The following IGFN1 variants were observed in gnomAD, a reference collection of about 807,000 sequenced individuals.
The protein encoded by IGFN1 is immunoglobulin like and fibronectin type III domain containing 1.
In IGFN1, 253 loss-of-function variants were observed where a neutral mutation model predicts 289.5. The ratio of observed to expected loss-of-function variants is 0.87; its 90% CI spans 0.79 to 0.97. The LOEUF (loss-of-function observed/expected upper bound fraction) is 0.97. Ranked by LOEUF, IGFN1 falls within the 50% of genes least tolerant of loss-of-function variation. IGFN1 has a pLI of 0.00. For missense variants in IGFN1, 4,470 were observed against 4,686.1 expected, an observed-to-expected ratio of 0.95 and a Z score of 1.35; for synonymous variants, 1,706 against 1,788.5, an observed-to-expected ratio of 0.95 and a Z score of 1.16.
chr1:201,199,229 A>G (rs1667045976), intron 5 of IGFN1, 105 bp from the exon 6 acceptor site: 1 of 953,996 alleles, frequency 1.0e-6, no homozygotes, highest in African/African-American at 1.6e-5. Context: ...TGGGGAGAGC[A>G]GGGCTCTGGG....
chr1:201,222,597 T>C (rs764023806), intron 19 of IGFN1, 142 bp from the exon 20 acceptor site: 4 of 580,982 alleles, frequency 6.9e-6, no homozygotes, highest in Non-Finnish European at 9.5e-6. Flanking sequence ...ACTCCAGTCC[T>C]TTAGAGGCCC....
chr1:201,210,842 T>C lies in IGFN1; in HGVS notation c.5949T>C (p.Gly1983=). The C allele has an allele frequency of 6.5e-7, 1 of 1,531,690 alleles. No homozygotes were observed. The highest frequency in any genetic ancestry group is 8.7e-7 in the Non-Finnish European group (1 of 1,145,472). The allele number at this position is 1,531,690 out of a possible 1,614,324, so 94.9% of individuals were successfully genotyped here. A position where few individuals can be genotyped will look rare whatever the true frequency, so the allele number is the denominator to read the frequency against. ...GGAGTAAGGAAGGTTTCAGGGATGG[T>C]TTAGGGGGTTCTGAGGAAATGGGGT... ...GSGSKEGFRD[G]LGGSEEMGSM... The change falls in exon 12 of 24, where the codon GGT becomes GGC. Residue 1983 remains glycine, a synonymous_variant. Transcript: ENST00000335211.
chr1:201,209,380 G>A lies in IGFN1; in HGVS notation c.4487G>A (p.Arg1496Lys). The A allele has an allele frequency of 1.3e-6, 2 of 1,513,830 alleles. No homozygotes were observed. The highest frequency in any genetic ancestry group is 1.8e-6 in the Non-Finnish European group (2 of 1,136,886). The allele number at this position is 1,513,830 out of a possible 1,614,324, so 93.8% of individuals were successfully genotyped here. The part of the protein sequence containing the change: ...GEMGLIEAGY[R>K]KDLGVSEGGG... ...ATGGGGTTAATTGAGGCAGGCTATA[G>A]GAAAGATTTGGGGGTTTCTGAGGGA... Residue 1496 changes from arginine (R) to lysine (K), a missense_variant, in exon 12 of 24, where the codon AGG (arginine) becomes AAG (lysine). Transcript: ENST00000335211.
chr1:201,216,797 C>A, intron 16 of IGFN1, 44 bp downstream of exon 16: 2 of 1,503,356 alleles, frequency 1.3e-6, no homozygotes, highest in South Asian at 2.5e-5. Context: ...CACTCCTGGG[C>A]TCCCCACTGT....
In IGFN1 at chr1:201,215,709, G is replaced by T; in HGVS notation, c.9166G>T (p.Val3056Leu). Residue 3056 changes from valine to leucine, a missense_variant, in exon 15 of 24, where the codon GTG becomes TTG. Physicochemically the swap from Val to Leu is conservative, Grantham distance 32 (BLOSUM62 1). Transcript: ENST00000335211. ...GGGCAGCAGTGACAGGGAGGCCCAG[G>T]TGGACCTGGGGGATGGCTACACGCG... ...VVGSSDREAQ[V>L]DLGDGYTRLC... The T allele has an allele frequency of 6.2e-7, 1 of 1,613,460 alleles. No individual in the cohort carries two copies. Among genetic ancestry groups the T allele is most frequent in the Non-Finnish European group, 8.5e-7 (1 of 1,179,768 alleles).
Position 201,206,236 on chromosome 1 carries a change from C to A in IGFN1, c.1343C>A (p.Ala448Asp), listed in dbSNP as rs1279830758. ...QGPRGGSLEG[A>D]GPASGLQHIA... is the part of the protein sequence containing the mutation. ...CCCAGGGGGGGCTCCCTTGAAGGGG[C>A]TGGGCCGGCTTCTGGGCTCCAGCAC... The change falls in exon 12 of 24, where the codon GCT becomes GAT. Residue 448 changes from alanine (A) to aspartate (D), a missense_variant. By Grantham distance (126) the Ala-to-Asp change is moderately radical. Around this residue, in one of 8 missense-constraint regions of IGFN1, gnomAD observed 2,011 missense variants for 1,953.4 expected, o/e 1.03. Transcript: ENST00000335211. 2 of 1,547,342 alleles carry A rather than the reference C, an allele frequency of 1.3e-6. No homozygotes were observed. Among genetic ancestry groups the A allele is most frequent in the Non-Finnish European group, 1.7e-6 (2 of 1,145,596 alleles).
intron 21 of IGFN1, among the ~76,000 whole-genome samples, chr1:201,225,499 AG>A (rs1654019551): frequency 6.6e-6 from 1 of 152,222 alleles, no homozygotes; most frequent in Non-Finnish European, 1.5e-5. Context: ...AGGCTGAGGC[AG>A]GAGAATGGCG....
In IGFN1 at chr1:201,209,464, CTG is replaced by C; in HGVS notation, c.4574_4575del (p.Val1525GlyfsTer2). On this transcript the variant is annotated frameshift_variant, in exon 12 of 24. Transcript: ENST00000335211. LOFTEE classifies it high-confidence loss of function. ...GGCTTAGGTTCTGGGGAAATGGGGT[CTG>C]TGGATAAGGCAGGCTATAGGAAGGA... is the stretch of plus-strand genomic sequence containing the variant. 1 of 1,535,074 alleles carries C rather than the reference CTG, an allele frequency of 6.5e-7. No individual in the cohort carries two copies. The highest frequency in any genetic ancestry group is 8.7e-7 in the Non-Finnish European group (1 of 1,146,438).
In IGFN1 at chr1:201,227,138, C is replaced by T. The variant is rs41269933; in HGVS notation, c.11043C>T (p.Ser3681=). Residue 3681 remains serine, a synonymous_variant, in exon 23 of 24, where the codon AGC becomes AGT. Transcript: ENST00000335211. ...LTIPSVSPKD[S]GEYKAVAENT... is the part of the protein sequence containing the mutation. Reference sequence around the variant, plus strand: ...TCCCCAGCGTATCCCCGAAGGACAGCGGGGAGTACAAGGCTGTGGCTGAGA... The same window carrying T: ...TCCCCAGCGTATCCCCGAAGGACAGTGGGGAGTACAAGGCTGTGGCTGAGA... The T allele has an allele frequency of 8.6e-3, 13,949 of 1,613,254 alleles. 83 individuals carry two copies. Among genetic ancestry groups the T allele is most frequent in the Non-Finnish European group, 0.011 (12,553 of 1,179,926 alleles).
chr1:201,205,999 G>A, intron 11 of IGFN1, 84 bp from the exon 12 acceptor site: 1 of 1,023,778 alleles, frequency 9.8e-7, no homozygotes, highest in South Asian at 1.6e-5. Context: ...AGGTGCTTTG[G>A]CCGGATTTAA....
In IGFN1 at chr1:201,208,521, A is replaced by G; in HGVS notation, c.3628A>G (p.Asn1210Asp). The G allele has an allele frequency of 6.9e-7, 1 of 1,453,718 alleles. No individual in the cohort carries two copies. The allele number at this position is 1,453,718 out of a possible 1,614,324, so 90.1% of individuals were successfully genotyped here. Reference protein sequence around the residue: ...SGSQWAYGAGNVLGYEDGSEL... With the variant: ...SGSQWAYGAGDVLGYEDGSEL... ...GAGCCAGTGGGCTTATGGGGCTGGC[A>G]ATGTGCTGGGTTATGAGGATGGATC... Residue 1210 changes from asparagine to aspartate, a missense_variant, in exon 12 of 24, where the codon AAT (asparagine) becomes GAT (aspartate). Asn to Asp is a conservative substitution (Grantham distance 23). Transcript: ENST00000335211.
chr1:201,218,498 G>C, intron 17 of IGFN1, 32 bp from the exon 18 acceptor site: 3 of 1,602,840 alleles, frequency 1.9e-6, no homozygotes, highest in Non-Finnish European at 2.6e-6. Flanking sequence ...AGCACCATCA[G>C]GGTGGGACTC....
chr1:201,216,072 A>G (rs1434295614), intron 15 of IGFN1: 1 of 707,570 alleles, frequency 1.4e-6, no homozygotes, highest in African/African-American at 1.8e-5. Context: ...TGCTTCTCTG[A>G]CCCCAATACA....
chr1:201,206,561 AGGAGGCTG>A lies in IGFN1; in HGVS notation c.1679_1686del (p.Glu560ValfsTer54). The A allele has an allele frequency of 6.4e-7, 1 of 1,550,608 alleles. No individual in the cohort carries two copies. The highest frequency in any genetic ancestry group is 8.7e-7 in the Non-Finnish European group (1 of 1,146,998). ...ACAGTGATGAATGCTGGAGGAAAGC[AGGAGGCTG>A]GGAGGCTGGGTCCAGTCGGCTTCAG... is the stretch of plus-strand genomic sequence containing the variant. On this transcript the variant is annotated frameshift_variant, in exon 12 of 24. Coordinates refer to ENST00000335211, the MANE Select transcript of IGFN1 (RefSeq NM_001164586.2). LOFTEE classifies it high-confidence loss of function.
chr1:201,216,471 C>A lies in IGFN1; in HGVS notation c.9313C>A (p.Gln3105Lys). Residue 3105 changes from glutamine (Q) to lysine (K), a missense_variant, in exon 16 of 24, where the codon CAA becomes AAA. By Grantham distance (53) the Gln-to-Lys change is moderately conservative. Transcript: ENST00000335211. ...LQVIDKPDPP[Q>K]GPMEVQDCHR... ...GTCCCCAGACAAGCCTGATCCCCCA[C>A]AAGGCCCCATGGAGGTTCAGGATTG... 6.3e-7 allele frequency: 1 copy of A among 1,578,038 alleles called. No homozygotes were observed.
Position 201,215,684 on chromosome 1 carries a change from G to T in IGFN1, c.9141G>T (p.Val3047=). 1 of 1,613,888 alleles carries T rather than the reference G, an allele frequency of 6.2e-7. No homozygotes were observed. Among genetic ancestry groups the T allele is most frequent in the Non-Finnish European group, 8.5e-7 (1 of 1,179,954 alleles). ...AAWRKDGAEV[V]GSSDREAQVD... ...GGAGGAAGGACGGGGCTGAGGTGGT[G>T]GGCAGCAGTGACAGGGAGGCCCAGG... Residue 3047 remains valine, a synonymous_variant, in exon 15 of 24, where the codon GTG becomes GTT. Transcript: ENST00000335211.
intron 19 of IGFN1, chr1:201,222,089 A>C: frequency 5.2e-6 from 1 of 191,446 alleles, no homozygotes; most frequent in South Asian, 1.8e-4. Flanking sequence ...GTTCTGTAGG[A>C]GAGAGAGTGG....
intron 16 of IGFN1, among the ~76,000 whole-genome samples, 166 bp from the exon 17 acceptor site, chr1:201,217,121 A>G (rs1653359943): frequency 6.6e-6 from 1 of 152,058 alleles, no homozygotes; most frequent in Admixed American, 6.5e-5. Flanking sequence ...CTTCCCTTGA[A>G]TAGCCAGAAC....
intron 6 of IGFN1, 93 bp downstream of exon 6, chr1:201,199,471 A>G (rs771755696): frequency 5.9e-5 from 84 of 1,415,606 alleles, no homozygotes; most frequent in Admixed American, 7.9e-5. Context: ...TACCATGAAC[A>G]CCTTGTGGAT....
Sources: allele counts gnomAD v4.1 joint callset (sites outside exome capture counted in the v4.1 genomes callset), GRCh38; gene constraint gnomAD v4.1.1; regional missense constraint gnomAD v4.1.1; transcripts MANE v1.5; gene names NCBI Gene and HGNC (gene_info 2026-07-23, HGNC 2026-07-21).